Variants in ANKS1A observed in about 807,000 individuals in gnomAD.
ANKS1A encodes ankyrin repeat and sterile alpha motif domain containing 1A, also known as ankyrin repeat and SAM domain-containing protein 1A.
Under a neutral mutation model 120.3 loss-of-function variants are expected in ANKS1A, and 55 were observed. The observed-to-expected ratio is 0.46, with a 90% CI of 0.37 to 0.57. The LOEUF is 0.57. Ranked by LOEUF, ANKS1A falls within the 20% of genes least tolerant of loss-of-function variation. ANKS1A has a pLI of 0.00. For synonymous variants in ANKS1A, 590 were observed against 604.7 expected (o/e 0.98, Z 0.36); for missense variants, 1,123 against 1,480.3 (o/e 0.76, Z 3.96).
intron 11 of ANKS1A, among the ~76,000 whole-genome samples, chr6:35,030,360 C>T (rs1774847120): frequency 6.6e-6 from 1 of 152,170 alleles, no homozygotes; most frequent in Non-Finnish European, 1.5e-5. Context: ...CTTCCCTTTA[C>T]TGCTCTCTAA....
chr6:34,939,746 G>A (rs1350160859), intron 1 of ANKS1A, among the ~76,000 whole-genome samples: 1 of 152,118 alleles, frequency 6.6e-6, no homozygotes, highest in Non-Finnish European at 1.5e-5. Context: ...TTGGGGATAT[G>A]CTAAGGAGAC....
chr6:34,950,222 CTTTT>C (rs747865614), intron 1 of ANKS1A, among the ~76,000 whole-genome samples: 2 of 97,540 alleles, frequency 2.1e-5, no homozygotes, highest in Non-Finnish European at 1.9e-5. Flanking sequence ...TCTTTTCTCT[CTTTT>C]TTTTTTTTTT....
Position 35,090,378 on chromosome 6 carries a change from A to ACATC in ANKS1A, c.*1772_*1775dup. 1.6e-6 allele frequency: 2 copies of ACATC among 1,240,156 alleles called. No individual in the cohort carries two copies. The highest frequency in any genetic ancestry group is 1.1e-4 in the East Asian group (2 of 17,478). 76.8% of individuals were successfully genotyped at this position (1,240,156 alleles called of 1,614,324 possible). On this transcript the variant is annotated 3_prime_UTR_variant, in exon 24 of 24. Transcript: ENST00000360359. Reference sequence around the variant, plus strand: ...CGTCTTCCTCCTAAGGGGCCAGGCCACATCCAAGTGGGCCTCTGTCGGGGG... The same window carrying ACATC: ...CGTCTTCCTCCTAAGGGGCCAGGCCACATCCATCCAAGTGGGCCTCTGTCGGGGG...
rs543099706 is a variant in ANKS1A, at chr6:34,904,194, A to G, written c.197+14595A>G. Among the ~76,000 whole-genome samples, 4 of 152,328 alleles carry G rather than the reference A, an allele frequency of 2.6e-5. No individual in the cohort carries two copies. The South Asian group carries it at 8.3e-4, about 32-fold the overall frequency. On this transcript the variant is annotated intron_variant, in intron 1 of 23. Transcript: ENST00000360359. ...CTCTCGTATGCTTTAAATCATCTCC[A>G]GTCTAATTATAATACCTAAATACAG...
chr6:34,941,423 ATAT>A (rs1561861128), intron 1 of ANKS1A, among the ~76,000 whole-genome samples: 2 of 151,284 alleles, frequency 1.3e-5, no homozygotes, highest in Non-Finnish European at 2.9e-5. Flanking sequence ...AACGCTTAAT[ATAT>A]TATTATTATT....
At chr6:34,904,763 G>A (rs780913594) in intron 1 of ANKS1A, among the ~76,000 whole-genome samples, 1 of 152,090 alleles carries the variant, frequency 6.6e-6, no homozygotes, top group Non-Finnish European at 1.5e-5. Context: ...TGCACTTCCT[G>A]TTGCTCAAGG....
At chr6:34,925,545 G>A (rs999879962) in intron 1 of ANKS1A, among the ~76,000 whole-genome samples, 1 of 152,224 alleles carries the variant, frequency 6.6e-6, no homozygotes, top group Admixed American at 6.5e-5. Context: ...CCTGAAAGAG[G>A]CTTAAATGAC....
chr6:35,089,542 T>G lies in ANKS1A; in HGVS notation c.*933T>G. The G allele has an allele frequency of 1.0e-6, 1 of 986,716 alleles. No individual in the cohort carries two copies. The highest frequency in any genetic ancestry group is 1.2e-6 in the Non-Finnish European group (1 of 830,562). The allele number at this position is 986,716 out of a possible 1,614,324, so 61.1% of individuals were successfully genotyped here. ...CAATTTGTGATTTGTCTAATCAGCC[T>G]GTGTGATTGGGGCTCATTTTGATTC... On this transcript the variant is annotated 3_prime_UTR_variant, in exon 24 of 24. Coordinates refer to ENST00000360359, the MANE Select transcript of ANKS1A (RefSeq NM_015245.3).
the ANKS1A span, among the ~76,000 whole-genome samples, chr6:35,097,637 GAAAAAAA>G: frequency 1.1e-5 from 1 of 89,768 alleles, no homozygotes; most frequent in South Asian, 3.4e-4. Flanking sequence ...AAAGCCAAAA[GAAAAAAA>G]AAAAAAAAAA....
chr6:35,083,202 G>T lies in ANKS1A; in HGVS notation c.2883G>T (p.Thr961=). 6 of 1,614,136 alleles carry T rather than the reference G, an allele frequency of 3.7e-6. No homozygotes were observed. The highest frequency in any genetic ancestry group is 5.1e-6 in the Non-Finnish European group (6 of 1,180,022). ...AAGATCTGCGAGGGACAGAATCCAC[G>T]CAAGACGCCTGTGCCAAGATGCGGG... is the stretch of plus-strand genomic sequence containing the variant. ...LIKDLRGTES[T]QDACAKMRKS... Residue 961 remains threonine (T), a synonymous_variant, in exon 19 of 24, where the codon ACG becomes ACT. Coordinates refer to ENST00000360359, the MANE Select transcript of ANKS1A (RefSeq NM_015245.3).
chr6:34,966,086 C>CA (rs1309509620), intron 1 of ANKS1A, among the ~76,000 whole-genome samples: 2 of 152,114 alleles, frequency 1.3e-5, no homozygotes, highest in Non-Finnish European at 2.9e-5. Flanking sequence ...GACAGCTGCC[C>CA]AGCTGACCTG....
At chr6:35,095,169 A>G (rs971429577), downstream of ANKS1A, among the ~76,000 whole-genome samples, 46 of 151,736 alleles carry the variant, frequency 3.0e-4, 1 homozygote, top group Admixed American at 2.3e-3. Flanking sequence ...AAGCACTGAA[A>G]AAAATAATGC....
chr6:34,944,630 A>G (rs967555603), intron 1 of ANKS1A, among the ~76,000 whole-genome samples: 4 of 152,290 alleles, frequency 2.6e-5, no homozygotes, highest in Admixed American at 2.6e-4. Flanking sequence ...ACTCTCCTGC[A>G]TATACCAAAA....
intron 13 of ANKS1A, among the ~76,000 whole-genome samples, chr6:35,075,791 T>A (rs1777323368): frequency 6.6e-6 from 1 of 152,182 alleles, no homozygotes; most frequent in Non-Finnish European, 1.5e-5. Flanking sequence ...ATATTGTTGT[T>A]TTTGTTTGGA....
Position 35,017,966 on chromosome 6 carries a change from T to C in ANKS1A, c.1917T>C (p.Ala639=). The C allele has an allele frequency of 1.2e-6, 2 of 1,614,184 alleles. No homozygotes were observed. The highest frequency in any genetic ancestry group is 2.2e-5 in the South Asian group (2 of 91,086). ...TGACCTGCTCACCCACAGAGGACGC[T>C]ACCATGGGGAGTCGGAGTGAGTCCT... ...DLLTCSPTED[A]TMGSRSESLS... Residue 639 remains alanine (A), a synonymous_variant, in exon 11 of 24, where the codon GCT becomes GCC. Transcript: ENST00000360359.
chr6:35,007,068 A>G (rs1442107875), intron 10 of ANKS1A, among the ~76,000 whole-genome samples: 2 of 152,340 alleles, frequency 1.3e-5, no homozygotes, highest in African/African-American at 4.8e-5. Flanking sequence ...ATTTATAGGA[A>G]TAAGTTTTAT....
Position 35,084,134 on chromosome 6 carries a change from AG to A in ANKS1A, c.3009del (p.Glu1003AspfsTer42). The stretch of plus-strand genomic sequence containing the variant: ...TTTCCCCAGCAGAACGTCATTGCAG[AG>A]CACGAGATCCGGAACATTTCCTGTG... ...IDASNKNVIAEHEIRNISCAA... is the reference protein window; with the variant it reads ...IDASNKNVIAXHEIRNISCAA... On this transcript the variant is annotated frameshift_variant, in exon 21 of 24. Coordinates refer to ENST00000360359, the MANE Select transcript of ANKS1A (RefSeq NM_015245.3). LOFTEE classifies it high-confidence loss of function. The surrounding 1 kb of genome is among the most constrained non-coding windows in gnomAD (Gnocchi z 4.8). 1 of 1,614,174 alleles carries A rather than the reference AG, an allele frequency of 6.2e-7. No homozygotes were observed. Among genetic ancestry groups the A allele is most frequent in the Non-Finnish European group, 8.5e-7 (1 of 1,180,030 alleles).
At chr6:35,039,462 G>T (rs1775348560) in intron 11 of ANKS1A, 6 of 401,910 alleles carry the variant, frequency 1.5e-5, no homozygotes, top group Non-Finnish European at 3.0e-5. Flanking sequence ...CTCCCAAAGT[G>T]CTGGGATTAC....
chr6:34,960,463 A>G (rs533015583), intron 1 of ANKS1A, among the ~76,000 whole-genome samples: 4 of 152,292 alleles, frequency 2.6e-5, no homozygotes, highest in Non-Finnish European at 5.9e-5. Context: ...TGCTGAGTAC[A>G]TGCGTGAGTA....
Sources: allele counts gnomAD v4.1 joint callset (sites outside exome capture counted in the v4.1 genomes callset), GRCh38; gene constraint gnomAD v4.1.1; non-coding constraint Gnocchi (gnomAD v3.1); transcripts MANE v1.5; gene names NCBI Gene and HGNC (gene_info 2026-07-23, HGNC 2026-07-21).